The following ACER1 variants were observed in gnomAD, a reference collection of about 807,000 sequenced individuals.
ACER1 encodes CTB-180A7.3.
ACER1 carries 28 observed loss-of-function variants against 24.9 expected under a neutral mutation model. The ratio of observed to expected loss-of-function variants is 1.13; its 90% CI spans 0.83 to 1.54. The LOEUF (loss-of-function observed/expected upper bound fraction) is 1.54, where lower values mean the gene tolerates loss of function less well. Ranked by LOEUF, ACER1 falls within the 40% of genes most tolerant of loss-of-function variation. ACER1 has a pLI of 0.00. For missense variants in ACER1, 352 were observed against 349.3 expected (o/e 1.01, Z -0.06); for synonymous variants, 132 against 131.4 (o/e 1.00, Z -0.03).
At chr19:6,347,384 A>T in the ACER1 span, among the ~76,000 whole-genome samples, 29,706 of 151,058 alleles carry the variant, frequency 0.2, 4,060 homozygotes, top group East Asian at 0.39. Context: ...CACTCAGCTA[A>T]TGTTTCTGAA....
At chr19:6,311,939 T>C (rs1024645163) in intron 3 of ACER1, among the ~76,000 whole-genome samples, 1 of 151,868 alleles carries the variant, frequency 6.6e-6, no homozygotes, top group Non-Finnish European at 1.5e-5. Context: ...AGGGAGGGAT[T>C]CCAAGAAACC....
chr19:6,351,647 C>T, the ACER1 span, among the ~76,000 whole-genome samples: 6 of 151,360 alleles, frequency 4.0e-5, no homozygotes, highest in African/African-American at 4.9e-5. Context: ...GCAGGAAGAT[C>T]GCTTGAGCCT....
At chr19:6,318,995 T>C (rs1035274777) in intron 1 of ACER1, among the ~76,000 whole-genome samples, 1 of 151,586 alleles carries the variant, frequency 6.6e-6, no homozygotes, top group East Asian at 2.0e-4. Flanking sequence ...ACATCATCAA[T>C]GGTACCTTGC....
chr19:6,306,959 G>T, intron 5 of ACER1, 77 bp from the exon 6 acceptor site: 1 of 1,537,576 alleles, frequency 6.5e-7, no homozygotes. Context: ...TACTTCTCAT[G>T]GCTCTTGACC....
upstream of ACER1, among the ~76,000 whole-genome samples, chr19:6,335,469 C>T (rs927358313): frequency 4.0e-5 from 6 of 151,820 alleles, no homozygotes; most frequent in Non-Finnish European, 5.9e-5. Context: ...GTGATCTGCC[C>T]GTCTCGACTT....
In ACER1 at chr19:6,333,333, A is replaced by G. The variant is rs912123424; in HGVS notation, c.93+126T>C. The stretch of plus-strand genomic sequence containing the variant: ...TGAAAGCTGGCACTCTTTGGCTAAC[A>G]GATGAGAAAACTAGGGCTGAGACAG... On this transcript the variant is annotated intron_variant, in intron 1 of 5. Transcript: ENST00000301452. 18 of 699,672 alleles carry G rather than the reference A, an allele frequency of 2.6e-5. No homozygotes were observed. The Admixed American group carries it at 3.3e-4, about 13-fold the overall frequency. 43.3% of individuals were successfully genotyped at this position (699,672 alleles called of 1,614,324 possible).
chr19:6,332,647 C>T (rs1225237974), intron 1 of ACER1, among the ~76,000 whole-genome samples: 1 of 151,910 alleles, frequency 6.6e-6, no homozygotes, highest in Non-Finnish European at 1.5e-5. Flanking sequence ...ATGTCCAGAA[C>T]TGAGGAGTTT....
chr19:6,318,357 T>C (rs1399664196), intron 1 of ACER1, among the ~76,000 whole-genome samples: 1 of 151,826 alleles, frequency 6.6e-6, no homozygotes, highest in African/African-American at 2.4e-5. Flanking sequence ...TAATCCCAGC[T>C]ACTCAGGAGG....
intron 4 of ACER1, among the ~76,000 whole-genome samples, chr19:6,308,698 A>G (rs1600233383): frequency 6.6e-6 from 1 of 152,282 alleles, no homozygotes; most frequent in East Asian, 1.9e-4. Flanking sequence ...GGCATGAGCC[A>G]TCATGCCCAG....
chr19:6,309,129 CAG>C (rs1173999836), intron 4 of ACER1, among the ~76,000 whole-genome samples: 4 of 151,888 alleles, frequency 2.6e-5, no homozygotes, highest in African/African-American at 9.7e-5. Context: ...ACCCGGGAGG[CAG>C]AGTTTGCAGT....
upstream of ACER1, chr19:6,333,740 G>A (rs2091701417): frequency 3.7e-6 from 2 of 545,428 alleles, no homozygotes; most frequent in Non-Finnish European, 6.6e-6. Context: ...CAGCAGCCCT[G>A]AGCATAAGCC....
intron 1 of ACER1, among the ~76,000 whole-genome samples, chr19:6,315,596 G>A (rs1000659115): frequency 6.6e-6 from 1 of 151,990 alleles, no homozygotes; most frequent in East Asian, 1.9e-4. Flanking sequence ...AGTCAGGATG[G>A]TCTCGATCTC....
chr19:6,324,904 GA>G (rs1364254939), intron 1 of ACER1, among the ~76,000 whole-genome samples: 25 of 150,776 alleles, frequency 1.7e-4, no homozygotes, highest in African/African-American at 5.9e-4. Flanking sequence ...AGGAAGGAAG[GA>G]AGGAAGGAGG....
At chr19:6,313,382 T>G (rs151278404) in intron 1 of ACER1, among the ~76,000 whole-genome samples, 201 of 152,200 alleles carry the variant, frequency 1.3e-3, no homozygotes, top group Non-Finnish European at 2.2e-3. Context: ...TAGCCTAAAG[T>G]GTTGAAATTA....
chr19:6,311,501 C>G (rs892003346), intron 3 of ACER1, among the ~76,000 whole-genome samples: 2 of 152,054 alleles, frequency 1.3e-5, no homozygotes, highest in Admixed American at 1.3e-4. Flanking sequence ...GAGATCGCAC[C>G]ACTGCACTCC....
At chr19:6,312,624 C>G in intron 1 of ACER1, 125 bp from the exon 2 acceptor site, 1 of 698,516 alleles carries the variant, frequency 1.4e-6, no homozygotes, top group Non-Finnish European at 2.5e-6. Context: ...ATGCATCAAC[C>G]CAGGATTTGT....
At chr19:6,335,137 ATAATT>A (rs2091707990), upstream of ACER1, among the ~76,000 whole-genome samples, 3 of 132,562 alleles carry the variant, frequency 2.3e-5, no homozygotes, top group Non-Finnish European at 4.8e-5. Flanking sequence ...TGTGATTAAT[ATAATT>A]TAATATAATA....
Position 6,306,551 on chromosome 19 carries a change from A to G in ACER1, c.*163T>C. ...GCTGCTCAGAGATGTCACAAAGTCCATCATCTGCCTCAAGGCAGGGCAGCG... is the reference window on the plus strand; with the variant it reads ...GCTGCTCAGAGATGTCACAAAGTCCGTCATCTGCCTCAAGGCAGGGCAGCG... On this transcript the variant is annotated 3_prime_UTR_variant, in exon 6 of 6. Transcript: ENST00000301452. The G allele has an allele frequency of 1.2e-6, 1 of 826,714 alleles. No homozygotes were observed. Among genetic ancestry groups the G allele is most frequent in the Non-Finnish European group, 1.8e-6 (1 of 551,314 alleles). 51.2% of individuals were successfully genotyped at this position (826,714 alleles called of 1,614,324 possible). A position where few individuals can be genotyped will look rare whatever the true frequency, so the allele number is the denominator to read the frequency against.
chr19:6,315,302 C>T (rs1369632566), intron 1 of ACER1, among the ~76,000 whole-genome samples: 1 of 151,972 alleles, frequency 6.6e-6, no homozygotes, highest in Non-Finnish European at 1.5e-5. Flanking sequence ...ATCCCAGGTT[C>T]AAGTAATCCT....
Sources: allele counts gnomAD v4.1 joint callset (sites outside exome capture counted in the v4.1 genomes callset), GRCh38; gene constraint gnomAD v4.1.1; transcripts MANE v1.5; gene names NCBI Gene and HGNC (gene_info 2026-07-23, HGNC 2026-07-21).